The following PPP2R5A variants were observed in gnomAD, a reference collection of about 807,000 sequenced individuals.
PPP2R5A encodes the protein serine/threonine-protein phosphatase 2A 56 kDa regulatory subunit alpha isoform.
PPP2R5A carries 25 observed loss-of-function variants against 64.2 expected under a neutral mutation model. The ratio of observed to expected loss-of-function variants is 0.39; its 90% CI spans 0.28 to 0.54. The LOEUF (loss-of-function observed/expected upper bound fraction) is 0.54, where lower values mean the gene tolerates loss of function less well. Among genes scored for constraint, PPP2R5A ranks in the 20% least tolerant of loss-of-function variants. The pLI is 0.67. For synonymous variants in PPP2R5A, 198 were observed against 201.2 expected, an observed-to-expected ratio of 0.98 and a Z score of 0.13; for missense variants, 425 against 576.3, an observed-to-expected ratio of 0.74 and a Z score of 2.69.
chr1:212,301,027 T>G (rs976383922), intron 1 of PPP2R5A, among the ~76,000 whole-genome samples: 6 of 152,160 alleles, frequency 3.9e-5, no homozygotes, highest in Admixed American at 3.9e-4. Context: ...TGTTTTTGTT[T>G]GTTTGAGACA....
At chr1:212,309,130 G>T in intron 1 of PPP2R5A, 1 of 1,050,290 alleles carries the variant, frequency 9.5e-7, no homozygotes. Context: ...CTCTCCATCA[G>T]GCCGAATCAG....
intron 3 of PPP2R5A, among the ~76,000 whole-genome samples, chr1:212,339,963 G>A (rs544534223): frequency 4.0e-5 from 5 of 125,910 alleles, no homozygotes; most frequent in African/African-American, 1.5e-4. Context: ...CCTATACTCT[G>A]CATTCTCTTC....
chr1:212,322,899 C>G (rs1571593400), intron 1 of PPP2R5A, among the ~76,000 whole-genome samples: 1 of 152,136 alleles, frequency 6.6e-6, no homozygotes, highest in South Asian at 2.1e-4. Context: ...CATTCTCCTG[C>G]CTCAGCCTCC....
intron 1 of PPP2R5A, among the ~76,000 whole-genome samples, 163 bp downstream of exon 1, chr1:212,286,454 C>T (rs1658504778): frequency 6.6e-6 from 1 of 152,228 alleles, no homozygotes; most frequent in Admixed American, 6.5e-5. Context: ...ACGCCCTCCT[C>T]CTTATTCAAA....
intron 1 of PPP2R5A, among the ~76,000 whole-genome samples, chr1:212,293,866 T>A (rs1374228445): frequency 6.6e-6 from 1 of 152,198 alleles, no homozygotes; most frequent in Non-Finnish European, 1.5e-5. Flanking sequence ...CAGAAGTCAT[T>A]CTGGTTTAGC....
At chr1:212,336,231 C>A (rs1237676079) in intron 3 of PPP2R5A, among the ~76,000 whole-genome samples, 1 of 152,162 alleles carries the variant, frequency 6.6e-6, no homozygotes, top group Non-Finnish European at 1.5e-5. Flanking sequence ...TCTCCTGCCT[C>A]AAGTCTCTTG....
intron 1 of PPP2R5A, among the ~76,000 whole-genome samples, chr1:212,324,859 C>T (rs988143424): frequency 6.6e-6 from 1 of 152,092 alleles, no homozygotes; most frequent in Non-Finnish European, 1.5e-5. Context: ...CCCACCTCGG[C>T]CTCCCAAAGT....
At position 212,357,282 on chromosome 1, in the gene PPP2R5A, T is replaced by C. The variant is rs1375456733; in HGVS notation, c.1224T>C (p.Asn408=). 2 of 1,570,140 alleles carry C rather than the reference T, an allele frequency of 1.3e-6. No individual in the cohort carries two copies. The highest frequency in any genetic ancestry group is 1.4e-5 in the African/African-American group (1 of 72,160). Reference sequence around the variant, plus strand: ...ACAAAATTTCCAAAGAACACTGGAATCCGTAAGTATCTTTTATATAGGTCG... The same window carrying C: ...ACAAAATTTCCAAAGAACACTGGAACCCGTAAGTATCTTTTATATAGGTCG... The part of the protein sequence containing the change: ...SLYKISKEHW[N]PTIVALVYNV... The change falls in exon 11 of 13, where the codon AAT becomes AAC. Residue 408 remains asparagine, a splice_region_variant and synonymous_variant. Transcript: ENST00000261461.
At chr1:212,348,233 C>T (rs1285351382) in intron 6 of PPP2R5A, among the ~76,000 whole-genome samples, 156 bp from the exon 7 acceptor site, 1 of 152,212 alleles carries the variant, frequency 6.6e-6, no homozygotes, top group Non-Finnish European at 1.5e-5. Context: ...GAACAGACTT[C>T]ATAGTAATAG....
chr1:212,302,209 TA>T, intron 1 of PPP2R5A: 1 of 939,768 alleles, frequency 1.1e-6, no homozygotes, highest in Non-Finnish European at 1.5e-6. Flanking sequence ...AAAACCACAT[TA>T]CAGGGGAAAA....
At chr1:212,305,526 TA>T (rs1360630433) in intron 1 of PPP2R5A, among the ~76,000 whole-genome samples, 1 of 152,086 alleles carries the variant, frequency 6.6e-6, no homozygotes, top group East Asian at 1.9e-4. Flanking sequence ...ATAGTGAGTA[TA>T]AATTCTGTAG....
chr1:212,311,963 C>T (rs1213789664), intron 1 of PPP2R5A, among the ~76,000 whole-genome samples: 3 of 151,932 alleles, frequency 2.0e-5, no homozygotes, highest in Admixed American at 6.6e-5. Flanking sequence ...CTAAATATAC[C>T]GTTTATAAAG....
Position 212,348,584 on chromosome 1 carries a change from A to C in PPP2R5A, c.873+87A>C, listed in dbSNP as rs1222544465. ...AGAAATTGAGAAATACTGAGATGAC[A>C]GTTTTAAGTATAATTAAGCAATTTG... On this transcript the variant is annotated intron_variant, in intron 7 of 12. Transcript: ENST00000261461. The C allele has an allele frequency of 6.2e-6, 6 of 974,208 alleles. No individual in the cohort carries two copies. The African/African-American group carries it at 8.4e-5, about 14-fold the overall frequency. The allele number at this position is 974,208 out of a possible 1,614,324, so 60.3% of individuals were successfully genotyped here.
At chr1:212,349,541 A>C (rs1659840774) in intron 8 of PPP2R5A, among the ~76,000 whole-genome samples, 1 of 152,138 alleles carries the variant, frequency 6.6e-6, no homozygotes, top group Admixed American at 6.5e-5. Flanking sequence ...CTTCACCAAT[A>C]ATCTTTTAAA....
Position 212,360,639 on chromosome 1 carries a change from G to T in PPP2R5A, c.1330G>T (p.Glu444Ter). The change falls in exon 13 of 13, where the codon GAG becomes TAG. Residue 444 changes from glutamate (E) to a stop codon, truncating the protein, a stop_gained and splice_region_variant. Transcript: ENST00000261461. LOFTEE classifies it high-confidence loss of function. ...TSSYKAERQREKKKELEREEL... is the reference protein window; with the variant it reads ...TSSYKAERQR ...ACAAAAATTTTGGTTTATCTACAGA[G>T]AGAAAAAGAAGGAATTGGAACGTGA... is the stretch of plus-strand genomic sequence containing the variant. The T allele has an allele frequency of 6.4e-7, 1 of 1,562,194 alleles. No individual in the cohort carries two copies. The highest frequency in any genetic ancestry group is 1.2e-5 in the South Asian group (1 of 83,276).
rs1201917147 is a variant in PPP2R5A at position 212,286,172 on chromosome 1, T to G, written c.62T>G (p.Val21Gly). 6.3e-7 allele frequency: 1 copy of G among 1,591,794 alleles called. No homozygotes were observed. The highest frequency in any genetic ancestry group is 8.5e-7 in the Non-Finnish European group (1 of 1,170,666). Residue 21 changes from valine (V) to glycine (G), a missense_variant, in exon 1 of 13, where the codon GTG (valine) becomes GGG (glycine). Transcript: ENST00000261461. The part of the protein sequence containing the change: ...ASAAISASEK[V>G]DGFTRKSVRK... Reference sequence around the variant, plus strand: ...GCCGCCATCTCGGCCTCGGAGAAAGTGGACGGCTTCACCCGGAAATCGGTC... The same window carrying G: ...GCCGCCATCTCGGCCTCGGAGAAAGGGGACGGCTTCACCCGGAAATCGGTC...
intron 3 of PPP2R5A, among the ~76,000 whole-genome samples, chr1:212,341,547 T>G (rs1174525437): frequency 6.6e-6 from 1 of 152,184 alleles, no homozygotes; most frequent in East Asian, 1.9e-4. Flanking sequence ...ATCTTCCTAG[T>G]GAGTATGGAT....
In PPP2R5A at chr1:212,303,619, T is replaced by G. The variant is rs117503819; in HGVS notation, c.181+17328T>G. ...ATTTCTAAGGATCCTTTCCCAGATA[T>G]GAGGCTATGAAGATTTACTCTGTGT... is the stretch of plus-strand genomic sequence containing the variant. On this transcript the variant is annotated intron_variant, in intron 1 of 12. Transcript: ENST00000261461. Among the ~76,000 whole-genome samples, 173 of 152,330 alleles carry G rather than the reference T, an allele frequency of 1.1e-3. 4 individuals carry two copies. The East Asian group carries it at 0.03, about 27-fold the overall frequency.
intron 7 of PPP2R5A, among the ~76,000 whole-genome samples, 172 bp from the exon 8 acceptor site, chr1:212,349,017 T>C (rs1301351238): frequency 1.3e-5 from 2 of 152,186 alleles, no homozygotes; most frequent in African/African-American, 2.4e-5. Flanking sequence ...ATTGTGAGTA[T>C]AGTTTCACGA....
Sources: allele counts gnomAD v4.1 joint callset (sites outside exome capture counted in the v4.1 genomes callset), GRCh38; gene constraint gnomAD v4.1.1; transcripts MANE v1.5; gene names NCBI Gene and HGNC (gene_info 2026-07-23, HGNC 2026-07-21).